APBA2: variants seen among roughly 807,000 people sequenced by gnomAD.
APBA2 encodes the protein amyloid-beta A4 precursor protein-binding family A member 2.
Under a neutral mutation model 75.0 loss-of-function variants are expected in APBA2, and 30 were observed. The ratio of observed to expected loss-of-function variants is 0.40; its 90% CI spans 0.30 to 0.54. APBA2 has a LOEUF of 0.54. Ranked by LOEUF, APBA2 falls within the 20% of genes least tolerant of loss-of-function variation. The probability of loss-of-function intolerance (pLI) is 0.49; values close to 1 mark genes in which losing one functional copy is unlikely to be tolerated. For missense variants in APBA2, 801 were observed against 1,016.1 expected (o/e 0.79, Z 2.88); for synonymous variants, 444 against 409.6 (o/e 1.08, Z -1.01).
intron 2 of APBA2, among the ~76,000 whole-genome samples, chr15:28,955,935 C>T (rs1289365260): frequency 6.6e-6 from 1 of 152,126 alleles, no homozygotes; most frequent in East Asian, 1.9e-4. Context: ...ACCCGTAGCT[C>T]AGCAACCATG....
At chr15:28,924,409 GTCACTCCCCAGCC>G (rs1385056199) in intron 2 of APBA2, among the ~76,000 whole-genome samples, 1 of 152,170 alleles carries the variant, frequency 6.6e-6, no homozygotes, top group Non-Finnish European at 1.5e-5. Context: ...CCATTAAGCA[GTCACTCCCCAGCC>G]TCCCTACCCC....
chr15:29,052,156 G>A (rs533558082), intron 3 of APBA2, among the ~76,000 whole-genome samples: 21 of 152,176 alleles, frequency 1.4e-4, no homozygotes, highest in African/African-American at 4.3e-4. Flanking sequence ...GAAGCAATTA[G>A]CTGAAGAAGT....
chr15:29,092,628 C>T (rs2152951354), intron 6 of APBA2, among the ~76,000 whole-genome samples: 1 of 152,220 alleles, frequency 6.6e-6, no homozygotes, highest in East Asian at 1.9e-4. Flanking sequence ...TGAGAGGCTA[C>T]AGACAGGCAG....
chr15:28,985,923 G>A lies in APBA2; in HGVS notation c.-94-9830G>A, dbSNP rs911933002. 5.9e-5 allele frequency among the ~76,000 whole-genome samples: 9 copies of A among 152,220 alleles called. No homozygotes were observed. In the East Asian group the frequency reaches 1.7e-3, roughly 29 times the overall value. On this transcript the variant is annotated intron_variant, in intron 2 of 14. Coordinates refer to ENST00000683413, the MANE Select transcript of APBA2 (RefSeq NM_001353788.2). ...CTGATGGCTTCAGGACCTGGGAGGAGCGGCGGAGCAGGTGGCTGCCCTGGG... is the reference window on the plus strand; with the variant it reads ...CTGATGGCTTCAGGACCTGGGAGGAACGGCGGAGCAGGTGGCTGCCCTGGG...
At chr15:28,986,752 C>CAGTA (rs2037948652) in intron 2 of APBA2, among the ~76,000 whole-genome samples, 1 of 152,190 alleles carries the variant, frequency 6.6e-6, no homozygotes, top group South Asian at 2.1e-4. Context: ...CAGGCATGAG[C>CAGTA]TACTGCTCCT....
chr15:29,012,598 A>G (rs978903580), intron 3 of APBA2, among the ~76,000 whole-genome samples: 1 of 152,092 alleles, frequency 6.6e-6, no homozygotes, highest in Non-Finnish European at 1.5e-5. Flanking sequence ...TCATTCATTT[A>G]TTTATATTTG....
intron 2 of APBA2, among the ~76,000 whole-genome samples, chr15:28,938,360 G>A (rs2034996330): frequency 1.3e-5 from 2 of 152,266 alleles, no homozygotes; most frequent in South Asian, 4.1e-4. Flanking sequence ...AATTACAAAC[G>A]GAAGTGTGTC....
intron 2 of APBA2, among the ~76,000 whole-genome samples, chr15:28,975,234 C>G (rs1342247302): frequency 7.8e-6 from 1 of 127,770 alleles, no homozygotes; most frequent in East Asian, 2.9e-4. Flanking sequence ...GAAAAAAATT[C>G]AAATCTATAT....
intron 2 of APBA2, among the ~76,000 whole-genome samples, chr15:28,980,224 C>T (rs1230007251): frequency 6.6e-6 from 1 of 152,132 alleles, no homozygotes; most frequent in African/African-American, 2.4e-5. Flanking sequence ...AAAAGTGAAC[C>T]TTCCTGAGCC....
chr15:29,045,138 C>T (rs539586874), intron 3 of APBA2, among the ~76,000 whole-genome samples: 10 of 147,586 alleles, frequency 6.8e-5, no homozygotes, highest in East Asian at 2.2e-4. Context: ...AGTGCAATGG[C>T]GTGATCTCGG....
At chr15:29,055,833 G>A (rs572842367) in intron 4 of APBA2, among the ~76,000 whole-genome samples, 2 of 152,266 alleles carry the variant, frequency 1.3e-5, no homozygotes, top group South Asian at 4.1e-4. Flanking sequence ...AACGTTAAGT[G>A]TCAGTTGACT....
At chr15:29,037,704 TAAAGA>T (rs763096073) in intron 3 of APBA2, among the ~76,000 whole-genome samples, 7 of 152,136 alleles carry the variant, frequency 4.6e-5, no homozygotes, top group Non-Finnish European at 7.3e-5. Context: ...GGGTAATTTA[TAAAGA>T]AAAGAAGTTT....
intron 3 of APBA2, among the ~76,000 whole-genome samples, chr15:29,040,521 C>A (rs1445517892): frequency 6.6e-6 from 1 of 152,144 alleles, no homozygotes; most frequent in African/African-American, 2.4e-5. Flanking sequence ...AAACCGTGGC[C>A]CGGGTCCCAG....
intron 4 of APBA2, among the ~76,000 whole-genome samples, chr15:29,060,626 C>A (rs571195086): frequency 6.6e-6 from 1 of 152,078 alleles, no homozygotes; most frequent in Non-Finnish European, 1.5e-5. Flanking sequence ...AGTGAGGTGA[C>A]CAGTAGATAC....
intron 2 of APBA2, among the ~76,000 whole-genome samples, chr15:28,986,432 G>A (rs768656258): frequency 1.8e-4 from 27 of 152,140 alleles, no homozygotes; most frequent in Non-Finnish European, 2.8e-4. Flanking sequence ...AAGAAGGAGC[G>A]CCACTTCTCA....
chr15:28,926,103 T>C (rs1753057261), intron 2 of APBA2, among the ~76,000 whole-genome samples: 1 of 152,144 alleles, frequency 6.6e-6, no homozygotes, highest in South Asian at 2.1e-4. Flanking sequence ...TAGCATAGAG[T>C]TGAGACTTGT....
intron 10 of APBA2, among the ~76,000 whole-genome samples, chr15:29,103,271 A>AT (rs1463391619): frequency 1.3e-5 from 2 of 152,304 alleles, no homozygotes; most frequent in East Asian, 3.9e-4. Flanking sequence ...TATTGGGTAG[A>AT]TGAGGCCGCA....
At chr15:29,055,159 G>A (rs896321866) in intron 4 of APBA2, among the ~76,000 whole-genome samples, 6 of 152,292 alleles carry the variant, frequency 3.9e-5, no homozygotes, top group Non-Finnish European at 8.8e-5. Context: ...TCATGGTGGG[G>A]CAGTATGTGT....
intron 1 of APBA2, among the ~76,000 whole-genome samples, chr15:28,898,017 AG>A (rs1307550966): frequency 1.3e-5 from 2 of 152,214 alleles, no homozygotes; most frequent in African/African-American, 4.8e-5. Flanking sequence ...GATGTGACCA[AG>A]GAGGCGGAAA....
Sources: gnomAD v4.1 joint callset for allele counts (sites outside exome capture counted in the v4.1 genomes callset) on GRCh38, gnomAD v4.1.1 for gene constraint, MANE v1.5 for transcripts, NCBI Gene and HGNC (gene_info 2026-07-23, HGNC 2026-07-21) for gene names.